MCTP2: variants seen among roughly 807,000 people sequenced by gnomAD.
MCTP2 encodes multiple C2 and transmembrane domain containing 2, also known as multiple C2 and transmembrane domain-containing protein 2.
In MCTP2, 132 loss-of-function variants were observed where a neutral mutation model predicts 111.6. The observed-to-expected ratio is 1.18, with a 90% CI of 1.03 to 1.37. MCTP2 has a LOEUF of 1.37. Ranked by LOEUF, MCTP2 falls within the 40% of genes most tolerant of loss-of-function variation. MCTP2 has a pLI of 0.00. For synonymous variants in MCTP2, 395 were observed against 387.7 expected (o/e 1.02, Z -0.22); for missense variants, 1,183 against 1,067.9 (o/e 1.11, Z -1.50).
At chr15:94,457,265 A>T (rs1193904690) in intron 19 of MCTP2, among the ~76,000 whole-genome samples, 1 of 152,202 alleles carries the variant, frequency 6.6e-6, no homozygotes, top group Non-Finnish European at 1.5e-5. Flanking sequence ...TCAGAATATT[A>T]AAAATAGTGT....
intron 1 of MCTP2, among the ~76,000 whole-genome samples, chr15:94,257,569 G>GTTGTTT (rs2072878432): frequency 3.8e-4 from 13 of 33,864 alleles, no homozygotes; most frequent in African/African-American, 1.3e-3. Flanking sequence ...TTTCTTTGTT[G>GTTGTTT]TTTTTTTTTT....
intron 1 of MCTP2, among the ~76,000 whole-genome samples, chr15:94,245,358 A>G (rs1384215787): frequency 2.3e-4 from 29 of 126,610 alleles, no homozygotes; most frequent in Non-Finnish European, 3.5e-4. Context: ...ATACATATGT[A>G]TATATATTTA....
At chr15:94,386,962 T>G (rs900264659) in intron 14 of MCTP2, among the ~76,000 whole-genome samples, 2 of 152,124 alleles carry the variant, frequency 1.3e-5, no homozygotes, top group East Asian at 3.8e-4. Context: ...CTTCCCTCCT[T>G]GTAGCCAACC....
At chr15:94,423,515 A>G (rs993627495) in intron 17 of MCTP2, among the ~76,000 whole-genome samples, 1 of 152,188 alleles carries the variant, frequency 6.6e-6, no homozygotes, top group Admixed American at 6.5e-5. Flanking sequence ...AACTCCCCCA[A>G]AGTCAAACAG....
At chr15:94,267,370 A>G (rs571264509) in intron 1 of MCTP2, among the ~76,000 whole-genome samples, 1 of 152,306 alleles carries the variant, frequency 6.6e-6, no homozygotes, top group African/African-American at 2.4e-5. Flanking sequence ...GCGTTATGCT[A>G]TGTTGTTTTG....
chr15:94,474,945 A>G (rs1199821565), intron 21 of MCTP2, among the ~76,000 whole-genome samples: 1 of 151,896 alleles, frequency 6.6e-6, no homozygotes, highest in Non-Finnish European at 1.5e-5. Context: ...GTGCAGGTTT[A>G]TAATCTTCTC....
At chr15:94,289,420 A>G (rs1412262087) in intron 1 of MCTP2, among the ~76,000 whole-genome samples, 1 of 152,198 alleles carries the variant, frequency 6.6e-6, no homozygotes, top group Admixed American at 6.5e-5. Flanking sequence ...CAGATTGGGA[A>G]AAACTAAGAG....
chr15:94,358,474 T>C lies in MCTP2; in HGVS notation c.1171-8T>C. 3 of 1,605,638 alleles carry C rather than the reference T, an allele frequency of 1.9e-6. No homozygotes were observed. Among genetic ancestry groups the C allele is most frequent in the Non-Finnish European group, 2.5e-6 (3 of 1,176,770 alleles). On this transcript the variant is annotated splice_polypyrimidine_tract_variant and splice_region_variant and intron_variant, in intron 9 of 22. Transcript: ENST00000357742. The stretch of plus-strand genomic sequence containing the variant: ...AGAAAATAAATATTATAACTGCATG[T>C]TTTCTAGACACTGTGTAAGAGTGCA...
chr15:94,379,507 A>AG (rs1202845370), intron 12 of MCTP2, among the ~76,000 whole-genome samples: 4 of 151,890 alleles, frequency 2.6e-5, no homozygotes, highest in Non-Finnish European at 5.9e-5. Flanking sequence ...TTGGTCCAGA[A>AG]GTGCTTTCTT....
chr15:94,252,722 T>A (rs528251641), intron 1 of MCTP2, among the ~76,000 whole-genome samples: 1 of 152,136 alleles, frequency 6.6e-6, no homozygotes, highest in Non-Finnish European at 1.5e-5. Flanking sequence ...CCTAAACTTA[T>A]AAGTGTAACT....
At chr15:94,464,261 A>ATATATATTATAT (rs2085434311) in intron 20 of MCTP2, among the ~76,000 whole-genome samples, 3 of 43,326 alleles carry the variant, frequency 6.9e-5, no homozygotes, top group East Asian at 3.9e-4. Context: ...TATATATTAT[A>ATATATATTATAT]TATATATATA....
At chr15:94,348,652 G>A (rs547206698) in intron 8 of MCTP2, among the ~76,000 whole-genome samples, 32 of 150,296 alleles carry the variant, frequency 2.1e-4, no homozygotes, top group African/African-American at 6.4e-4. Flanking sequence ...TCACTGTACC[G>A]CTTTCTCTAA....
intron 14 of MCTP2, among the ~76,000 whole-genome samples, chr15:94,396,255 T>G (rs2081276494): frequency 6.6e-6 from 1 of 152,184 alleles, no homozygotes; most frequent in Admixed American, 6.5e-5. Flanking sequence ...GAAAGCTGTA[T>G]TTTTCCTTTT....
At chr15:94,243,922 T>TACAC (rs1226031895) in intron 1 of MCTP2, among the ~76,000 whole-genome samples, 70 of 113,984 alleles carry the variant, frequency 6.1e-4, no homozygotes, top group African/African-American at 2.1e-3. Flanking sequence ...TGTATATATT[T>TACAC]ACACATATGT....
chr15:94,360,514 T>C (rs1048242039), intron 10 of MCTP2, among the ~76,000 whole-genome samples: 1 of 152,192 alleles, frequency 6.6e-6, no homozygotes, highest in African/African-American at 2.4e-5. Context: ...TTACGCAAAT[T>C]CAGAGAACTC....
At chr15:94,365,156 T>C (rs1370381550) in intron 10 of MCTP2, among the ~76,000 whole-genome samples, 1 of 152,204 alleles carries the variant, frequency 6.6e-6, no homozygotes, top group Non-Finnish European at 1.5e-5. Context: ...ATTGATATGA[T>C]GCTAATATCA....
intron 8 of MCTP2, among the ~76,000 whole-genome samples, chr15:94,355,053 T>C (rs2078540621): frequency 6.6e-6 from 1 of 152,238 alleles, no homozygotes. Flanking sequence ...AAATGAACTC[T>C]GCTAACTAAA....
rs559061742 is a variant in MCTP2, at chr15:94,236,612, G to A, written c.-66+4948G>A. Among the ~76,000 whole-genome samples the A allele has an allele frequency of 2.0e-5, 3 of 152,166 alleles. No homozygotes were observed. The East Asian group carries it at 5.8e-4, about 29-fold the overall frequency. The stretch of plus-strand genomic sequence containing the variant: ...GCAGAATCTAATTCTGAGAATGCCA[G>A]CTGTGTCATCTATGCATGCGTTCAT... On this transcript the variant is annotated intron_variant, in intron 1 of 22. Coordinates refer to ENST00000357742, the MANE Select transcript of MCTP2 (RefSeq NM_001385001.1).
intron 4 of MCTP2, among the ~76,000 whole-genome samples, chr15:94,321,178 TGAA>T (rs1567416347): frequency 6.6e-6 from 1 of 151,846 alleles, no homozygotes; most frequent in South Asian, 2.1e-4. Context: ...ATGGGGAAAA[TGAA>T]GAAGGGTTGG....
Sources: allele counts gnomAD v4.1 joint callset (sites outside exome capture counted in the v4.1 genomes callset), GRCh38; gene constraint gnomAD v4.1.1; transcripts MANE v1.5; gene names NCBI Gene and HGNC (gene_info 2026-07-23, HGNC 2026-07-21).